Variants in HOMER2 observed in about 807,000 individuals in gnomAD.
HOMER2 encodes the protein homer protein homolog 2.
In HOMER2, 27 loss-of-function variants were observed where a neutral mutation model predicts 47.0. The observed-to-expected ratio is 0.57, with a 90% CI of 0.42 to 0.79. HOMER2 has a LOEUF of 0.79. Ranked by LOEUF, HOMER2 falls within the 30% of genes least tolerant of loss-of-function variation. The pLI is 0.00. For missense variants in HOMER2, 443 were observed against 435.0 expected (o/e 1.02, Z -0.16); for synonymous variants, 161 against 163.8 (o/e 0.98, Z 0.13).
intron 1 of HOMER2, among the ~76,000 whole-genome samples, chr15:82,931,473 A>C (rs546061235): frequency 6.6e-6 from 1 of 151,360 alleles, no homozygotes; most frequent in East Asian, 1.9e-4. Context: ...GCTTTCAATC[A>C]GGCTGTGGGA....
chr15:82,981,978 T>C (rs2030411815), intron 1 of HOMER2, among the ~76,000 whole-genome samples: 2 of 152,226 alleles, frequency 1.3e-5, no homozygotes, highest in South Asian at 4.1e-4. Context: ...CCTGTGCACT[T>C]ACAAATGGTT....
At chr15:82,844,888 C>G (rs1020222860), downstream of HOMER2, 1 of 152,194 alleles carries the variant, frequency 6.6e-6, no homozygotes, top group Non-Finnish European at 1.5e-5. Flanking sequence ...AATAGCACAG[C>G]CTCACAGCTG....
chr15:82,843,680 G>A (rs145228441), exon 2 of HOMER2: 40 of 151,900 alleles, frequency 2.6e-4, no homozygotes, highest in African/African-American at 9.7e-4. Context: ...ACCTTAAAGG[G>A]TTACATTTTA....
At chr15:82,912,909 A>G (rs2151153403) in intron 1 of HOMER2, among the ~76,000 whole-genome samples, 1 of 152,342 alleles carries the variant, frequency 6.6e-6, no homozygotes, top group Admixed American at 6.5e-5. Context: ...TGGGCCCTGA[A>G]TGACTTTCTT....
chr15:82,930,958 C>T (rs1250437699), intron 1 of HOMER2, among the ~76,000 whole-genome samples: 7 of 152,126 alleles, frequency 4.6e-5, no homozygotes, highest in Non-Finnish European at 7.4e-5. Context: ...ACCCGGGAGG[C>T]GGAGGTTGCA....
At chr15:82,896,099 A>T (rs532175087) in intron 1 of HOMER2, among the ~76,000 whole-genome samples, 1 of 152,198 alleles carries the variant, frequency 6.6e-6, no homozygotes, top group South Asian at 2.1e-4. Flanking sequence ...GTGGGGCAAC[A>T]GGGGGACCAA....
intron 1 of HOMER2, among the ~76,000 whole-genome samples, chr15:82,901,079 G>A (rs1012188968): frequency 4.6e-5 from 7 of 152,046 alleles, no homozygotes; most frequent in African/African-American, 9.7e-5. Flanking sequence ...TCTCCTATTG[G>A]CCCTCCTGAG....
intron 3 of HOMER2, among the ~76,000 whole-genome samples, chr15:82,872,355 C>G (rs1479229474): frequency 6.6e-6 from 1 of 152,060 alleles, no homozygotes; most frequent in East Asian, 1.9e-4. Flanking sequence ...ACCCCAGAAT[C>G]TCTTCTTCCT....
chr15:82,936,634 G>A (rs2054148778), intron 1 of HOMER2, among the ~76,000 whole-genome samples: 1 of 152,188 alleles, frequency 6.6e-6, no homozygotes, highest in Non-Finnish European at 1.5e-5. Context: ...CTGCAGTGGC[G>A]TGATCTCAGC....
At chr15:82,931,081 C>T (rs547901266) in intron 1 of HOMER2, among the ~76,000 whole-genome samples, 23 of 149,984 alleles carry the variant, frequency 1.5e-4, no homozygotes, top group African/African-American at 5.4e-4. Context: ...CTAGCCTGGA[C>T]GACAGAACAA....
At chr15:82,924,330 C>T (rs1230730124) in intron 1 of HOMER2, among the ~76,000 whole-genome samples, 2 of 148,528 alleles carry the variant, frequency 1.3e-5, no homozygotes, top group African/African-American at 2.5e-5. Flanking sequence ...CAGCAGGTGT[C>T]TAGACAGCTG....
At chr15:82,835,313 G>C (rs1198612589), downstream of HOMER2, 1 of 152,344 alleles carries the variant, frequency 6.6e-6, no homozygotes, top group African/African-American at 2.4e-5. Context: ...TTTTAGTAGA[G>C]ATGGGGTTTC....
chr15:82,965,744 G>C (rs1044214898), intron 1 of HOMER2, among the ~76,000 whole-genome samples: 3 of 151,666 alleles, frequency 2.0e-5, no homozygotes, highest in African/African-American at 7.3e-5. Context: ...ATTGGCTCCT[G>C]AAGAGAAGTG....
At chr15:82,979,058 G>A (rs2030304136) in intron 1 of HOMER2, among the ~76,000 whole-genome samples, 1 of 152,128 alleles carries the variant, frequency 6.6e-6, no homozygotes, top group Non-Finnish European at 1.5e-5. Flanking sequence ...CCCTTTACTT[G>A]GTTCTCACTT....
At chr15:82,844,861 T>C (rs1448822836), downstream of HOMER2, 1 of 152,148 alleles carries the variant, frequency 6.6e-6, no homozygotes, top group Non-Finnish European at 1.5e-5. Flanking sequence ...TTAAAAGCAG[T>C]ACAAGAGGGT....
intron 4 of HOMER2, among the ~76,000 whole-genome samples, chr15:82,859,980 G>C (rs1483891090): frequency 6.6e-6 from 1 of 152,186 alleles, no homozygotes; most frequent in African/African-American, 2.4e-5. Flanking sequence ...GGGCGCGGTG[G>C]CTCACACCTG....
At position 82,913,017 on chromosome 15, in the gene HOMER2, CT is replaced by C. The variant is rs1474898201; in HGVS notation, c.6-20177del. On this transcript the variant is annotated intron_variant, in intron 1 of 8. Transcript: ENST00000450735. The surrounding 1 kb of genome is among the most constrained non-coding windows in gnomAD (Gnocchi z 4.1). Reference sequence around the variant, plus strand: ...ATTTTAAATAATGCTCTTAGAAATACTGAAAACACAGAAAACTGGGGTGTAG... The same window carrying C: ...ATTTTAAATAATGCTCTTAGAAATACGAAAACACAGAAAACTGGGGTGTAG... 6.6e-6 allele frequency among the ~76,000 whole-genome samples: 1 copy of C among 152,154 alleles called. No individual in the cohort carries two copies. The highest frequency in any genetic ancestry group is 1.5e-5 in the Non-Finnish European group (1 of 68,030).
intron 1 of HOMER2, among the ~76,000 whole-genome samples, chr15:82,984,598 T>A (rs959939703): frequency 6.6e-6 from 1 of 152,158 alleles, no homozygotes; most frequent in African/African-American, 2.4e-5. Flanking sequence ...GTGGGTGGAC[T>A]GCTTGAGCCC....
intron 2 of HOMER2, among the ~76,000 whole-genome samples, chr15:82,890,391 G>A (rs1412447616): frequency 6.6e-6 from 1 of 152,064 alleles, no homozygotes. Flanking sequence ...CCATAGAAAG[G>A]GTAGTCCAAG....
Sources: allele counts gnomAD v4.1 joint callset (sites outside exome capture counted in the v4.1 genomes callset), GRCh38; gene constraint gnomAD v4.1.1; non-coding constraint Gnocchi (gnomAD v3.1); transcripts MANE v1.5; gene names NCBI Gene and HGNC (gene_info 2026-07-23, HGNC 2026-07-21).